Variants in DLG3 observed in about 807,000 individuals in gnomAD.
DLG3 encodes discs large MAGUK scaffold protein 3, also known as disks large homolog 3.
Under a neutral mutation model 64.1 loss-of-function variants are expected in DLG3, and 1 was observed. That is an observed-to-expected ratio of 0.02 (90% confidence interval 0.01 to 0.07). The LOEUF is 0.07. Ranked by LOEUF, DLG3 falls within the 10% of genes least tolerant of loss-of-function variation. DLG3 has a pLI of 1.00. For synonymous variants in DLG3, 245 were observed against 259.8 expected (o/e 0.94, Z 0.55); for missense variants, 429 against 669.5 (o/e 0.64, Z 3.96).
chrX:70,474,515 A>G (rs776730576), intron 9 of DLG3, among the ~76,000 whole-genome samples: 1 of 110,629 alleles, frequency 9.0e-6, no homozygotes, highest in African/African-American at 3.3e-5. Context: ...TGGCATGAGG[A>G]AAAAAAAGGC....
In DLG3 at chrX:70,449,450, C is replaced by T; in HGVS notation, c.500C>T (p.Pro167Leu). ...GGCATCTTTATTACCAAGATTATCC[C>T]TGGTGGAGCAGCTGCCATGGATGGG... ...DPGIFITKII[P>L]GGAAAMDGRL... Residue 167 changes from proline (P) to leucine (L), a missense_variant, in exon 3 of 19, where the codon CCT becomes CTT. Pro to Leu is a moderately conservative substitution (Grantham distance 98). Around this residue, in one of 9 missense-constraint regions of DLG3, gnomAD observed 73 missense variants for 158.5 expected, o/e 0.46. Transcript: ENST00000374360. 1 of 1,211,438 alleles carries T rather than the reference C, an allele frequency of 8.3e-7. No homozygotes were observed. The highest frequency in any genetic ancestry group is 3.0e-5 in the East Asian group (1 of 33,824).
intron 10 of DLG3, among the ~76,000 whole-genome samples, chrX:70,488,296 C>T (rs2087294247): frequency 8.9e-6 from 1 of 111,893 alleles, no homozygotes; most frequent in African/African-American, 3.3e-5. Flanking sequence ...AGATGTGAGC[C>T]ACTGCACCCG....
At chrX:70,501,378 G>T (rs1452779974) in intron 18 of DLG3, among the ~76,000 whole-genome samples, 1 of 104,727 alleles carries the variant, frequency 9.5e-6, no homozygotes, top group Non-Finnish European at 1.9e-5. Flanking sequence ...TCGGTGTGCT[G>T]TTCAAGTTGT....
intron 7 of DLG3, chrX:70,453,424 C>A (rs1381008302): frequency 2.2e-6 from 1 of 461,589 alleles, no homozygotes; most frequent in African/African-American, 2.5e-5. Context: ...TGCAAGCCCT[C>A]GGGAAGAAGG....
intron 10 of DLG3, among the ~76,000 whole-genome samples, chrX:70,483,460 G>A (rs1182579994): frequency 1.8e-5 from 2 of 112,703 alleles, no homozygotes; most frequent in African/African-American, 6.4e-5. Flanking sequence ...TAAGCGGCAG[G>A]TGGTTAAAGT....
In DLG3 at chrX:70,492,607, A is replaced by T. The variant is rs746763426; in HGVS notation, c.1773+11A>T. 8.3e-7 allele frequency: 1 copy of T among 1,202,920 alleles called. No individual in the cohort carries two copies. Among genetic ancestry groups the T allele is most frequent in the East Asian group, 3.0e-5 (1 of 33,807 alleles). Reference sequence around the variant, plus strand: ...ATTGAGTCTAACAGGGTAAGTGGGGATCCCCAAGGAAATCAGCCAGTAGGT... The same window carrying T: ...ATTGAGTCTAACAGGGTAAGTGGGGTTCCCCAAGGAAATCAGCCAGTAGGT... On this transcript the variant is annotated intron_variant, in intron 12 of 18. Coordinates refer to ENST00000374360, the MANE Select transcript of DLG3 (RefSeq NM_021120.4).
chrX:70,497,439 C>T (rs952996437), intron 13 of DLG3, among the ~76,000 whole-genome samples: 2 of 112,597 alleles, frequency 1.8e-5, no homozygotes, highest in African/African-American at 6.5e-5. Flanking sequence ...ATAGTGCTGG[C>T]CGGGACCTGA....
At chrX:70,463,771 G>A (rs2086842155) in intron 9 of DLG3, among the ~76,000 whole-genome samples, 1 of 111,965 alleles carries the variant, frequency 8.9e-6, no homozygotes, top group African/African-American at 3.2e-5. Context: ...TCTATAAAAT[G>A]AGGAGACTGT....
chrX:70,500,679 A>T, intron 17 of DLG3, 99 bp downstream of exon 17: 1 of 777,302 alleles, frequency 1.3e-6, no homozygotes, highest in African/African-American at 2.0e-5. Context: ...CTTGAAAGAA[A>T]CTCTGTGCCC....
At chrX:70,464,966 A>C (rs1408079464) in intron 9 of DLG3, among the ~76,000 whole-genome samples, 1 of 112,146 alleles carries the variant, frequency 8.9e-6, no homozygotes, top group Non-Finnish European at 1.9e-5. Context: ...TTTCTACTTG[A>C]TGAAATTAAG....
At chrX:70,465,017 AAT>A (rs780214926) in intron 9 of DLG3, among the ~76,000 whole-genome samples, 1 of 112,364 alleles carries the variant, frequency 8.9e-6, no homozygotes, top group South Asian at 3.7e-4. Flanking sequence ...ATTTTGTATA[AAT>A]ATGTACATTA....
Position 70,504,623 on chromosome X carries a change from G to C in DLG3, c.*2354G>C, listed in dbSNP as rs1488201636. 1 of 112,304 alleles carries C rather than the reference G, an allele frequency of 8.9e-6. No homozygotes were observed. The highest frequency in any genetic ancestry group is 3.2e-5 in the African/African-American group (1 of 30,866). The allele number at this position is 112,304 out of a possible 1,213,427, so 9.3% of individuals were successfully genotyped here. On this transcript the variant is annotated 3_prime_UTR_variant, in exon 19 of 19. Transcript: ENST00000374360. ...ACCAACCAGATGGGAGTCCACATCT[G>C]TGGTGGCAAAATGCTGACATTTTCC...
rs775053726 is a variant in DLG3 at position 70,451,958 on chromosome X, T to C, written c.1077T>C (p.Pro359=). 8.3e-7 allele frequency: 1 copy of C among 1,209,209 alleles called. No homozygotes were observed. Among genetic ancestry groups the C allele is most frequent in the Non-Finnish European group, 1.1e-6 (1 of 894,770 alleles). The change falls in exon 7 of 19, where the codon CCT becomes CCC. Residue 359 remains proline, a synonymous_variant. Transcript: ENST00000374360. ...AVESKVSYPA[P]PQVPPTRYSP... ...AGAGCAAGGTCAGCTACCCTGCTCC[T>C]CCTCAGGTTCCCCCCACCCGCTACT...
chrX:70,460,765 C>T (rs1286885771), intron 9 of DLG3, among the ~76,000 whole-genome samples: 1 of 111,438 alleles, frequency 9.0e-6, no homozygotes, highest in Non-Finnish European at 1.9e-5. Context: ...TCTAAGCAAC[C>T]ACTAATCTAT....
At chrX:70,475,737 T>C (rs1225902638) in intron 9 of DLG3, among the ~76,000 whole-genome samples, 1 of 112,455 alleles carries the variant, frequency 8.9e-6, no homozygotes. Context: ...CCAACAGTGG[T>C]ATCTTCTGGG....
intron 10 of DLG3, among the ~76,000 whole-genome samples, chrX:70,484,051 T>C (rs1207795337): frequency 8.9e-6 from 1 of 112,201 alleles, no homozygotes; most frequent in African/African-American, 3.2e-5. Context: ...GATGACCTTG[T>C]TCTATACTTG....
Position 70,445,149 on chromosome X carries a change from G to C in DLG3, c.-53G>C. 1.0e-6 allele frequency: 1 copy of C among 1,003,820 alleles called. No homozygotes were observed. The highest frequency in any genetic ancestry group is 2.2e-5 in the South Asian group (1 of 45,072). The allele number at this position is 1,003,820 out of a possible 1,213,427, so 82.7% of individuals were successfully genotyped here. A position where few individuals can be genotyped will look rare whatever the true frequency, so the allele number is the denominator to read the frequency against. On this transcript the variant is annotated 5_prime_UTR_variant, in exon 1 of 19. Coordinates refer to ENST00000374360, the MANE Select transcript of DLG3 (RefSeq NM_021120.4). The stretch of plus-strand genomic sequence containing the variant: ...GGCGGCGGTGGTGGCGGCGGTGGCG[G>C]CGGCGTGGAATCCGGCGTGGGCTGG...
At chrX:70,478,680 A>G (rs1259265209) in intron 9 of DLG3, among the ~76,000 whole-genome samples, 1 of 111,280 alleles carries the variant, frequency 9.0e-6, no homozygotes, top group Non-Finnish European at 1.9e-5. Context: ...TTGCCTAACA[A>G]TGATATAATT....
chrX:70,455,892 G>C (rs1017979733), intron 9 of DLG3: 2 of 111,449 alleles, frequency 1.8e-5, no homozygotes, highest in Non-Finnish European at 3.8e-5. Context: ...GCGATGAGAG[G>C]GGGAGAGGCT....
Sources: gnomAD v4.1 joint callset for allele counts (sites outside exome capture counted in the v4.1 genomes callset) on GRCh38, gnomAD v4.1.1 for gene constraint, gnomAD v4.1.1 regional missense constraint, MANE v1.5 for transcripts, NCBI Gene and HGNC (gene_info 2026-07-23, HGNC 2026-07-21) for gene names.